CHCHD6: variants seen among roughly 807,000 people sequenced by gnomAD.
The protein encoded by CHCHD6 is coiled-coil-helix-coiled-coil-helix domain containing 6, also known as MICOS complex subunit MIC25.
CHCHD6 carries 28 observed loss-of-function variants against 32.3 expected under a neutral mutation model. The observed-to-expected ratio is 0.87, with a 90% CI of 0.64 to 1.19. The LOEUF (loss-of-function observed/expected upper bound fraction) is 1.19, where lower values mean the gene tolerates loss of function less well. Among genes scored for constraint, CHCHD6 ranks in the 50% most tolerant of loss-of-function variants. The pLI is 0.00. For synonymous variants in CHCHD6, 122 were observed against 117.5 expected (o/e 1.04, Z -0.25); for missense variants, 333 against 307.0 (o/e 1.08, Z -0.63).
Position 126,957,567 on chromosome 3 carries a change from C to T in CHCHD6, c.702+16C>T. On this transcript the variant is annotated intron_variant, in intron 7 of 7. Transcript: ENST00000290913. ...CGCCCACAAGGTAAGGCCTTGCCTG[C>T]CTCCCAGGTTTCCAAGGGCCTTGGG... is the stretch of plus-strand genomic sequence containing the variant. The T allele has an allele frequency of 1.3e-6, 2 of 1,555,724 alleles. No homozygotes were observed. The highest frequency in any genetic ancestry group is 1.2e-5 in the South Asian group (1 of 84,520).
At chr3:126,842,078 G>A (rs756569258) in intron 4 of CHCHD6, among the ~76,000 whole-genome samples, 1 of 152,050 alleles carries the variant, frequency 6.6e-6, no homozygotes, top group Admixed American at 6.6e-5. Context: ...ATGCGATCCC[G>A]TCTCTACCAA....
intron 4 of CHCHD6, among the ~76,000 whole-genome samples, chr3:126,775,676 G>A (rs1006075436): frequency 1.3e-5 from 2 of 152,206 alleles, no homozygotes; most frequent in South Asian, 2.1e-4. Context: ...AACTCTAGAG[G>A]TTAAGGAAAG....
intron 1 of CHCHD6, among the ~76,000 whole-genome samples, chr3:126,706,769 C>T (rs1934506832): frequency 6.6e-6 from 1 of 152,100 alleles, no homozygotes; most frequent in Admixed American, 6.5e-5. Context: ...TTGAGGAATT[C>T]ACCTTGTCTT....
chr3:126,730,301 TG>T (rs1337266423), intron 2 of CHCHD6, among the ~76,000 whole-genome samples: 2 of 152,186 alleles, frequency 1.3e-5, no homozygotes, highest in Non-Finnish European at 2.9e-5. Flanking sequence ...TTTGGAACAC[TG>T]CACCCAGTGT....
At chr3:126,733,367 G>C in intron 4 of CHCHD6, 145 bp downstream of exon 4, 1 of 736,596 alleles carries the variant, frequency 1.4e-6, no homozygotes, top group Non-Finnish European at 2.2e-6. Flanking sequence ...CTGTGGAAAA[G>C]GGTCTTTTGG....
chr3:126,909,317 C>T (rs1193243792), intron 5 of CHCHD6, among the ~76,000 whole-genome samples: 1 of 152,206 alleles, frequency 6.6e-6, no homozygotes, highest in African/African-American at 2.4e-5. Context: ...CTCTGGGCCC[C>T]ATGTCCTCCT....
chr3:126,717,532 G>A (rs1160155084), intron 1 of CHCHD6, among the ~76,000 whole-genome samples: 1 of 152,204 alleles, frequency 6.6e-6, no homozygotes, highest in Non-Finnish European at 1.5e-5. Flanking sequence ...TACTCAGGAG[G>A]CTGAGGCAGG....
At chr3:126,826,668 T>C (rs370628163) in intron 4 of CHCHD6, among the ~76,000 whole-genome samples, 1 of 152,158 alleles carries the variant, frequency 6.6e-6, no homozygotes, top group East Asian at 1.9e-4. Context: ...TTGTCACTTA[T>C]GTAGGATCTT....
At chr3:126,784,774 C>G (rs544292028) in intron 4 of CHCHD6, among the ~76,000 whole-genome samples, 7 of 152,326 alleles carry the variant, frequency 4.6e-5, no homozygotes, top group African/African-American at 1.7e-4. Context: ...TAGTGCCTGT[C>G]TCTTCACTCA....
At chr3:126,871,650 C>T (rs1427806144) in intron 5 of CHCHD6, among the ~76,000 whole-genome samples, 5 of 151,142 alleles carry the variant, frequency 3.3e-5, no homozygotes, top group African/African-American at 9.7e-5. Flanking sequence ...CTCTTCCCCC[C>T]GACCCCCCAA....
chr3:126,802,439 C>T (rs1016018422), intron 4 of CHCHD6, among the ~76,000 whole-genome samples: 1 of 151,962 alleles, frequency 6.6e-6, no homozygotes, highest in East Asian at 1.9e-4. Flanking sequence ...GGAGCTGATG[C>T]GATCAACTGG....
At chr3:126,719,343 T>C (rs1031446812) in intron 1 of CHCHD6, among the ~76,000 whole-genome samples, 4 of 152,238 alleles carry the variant, frequency 2.6e-5, no homozygotes, top group African/African-American at 9.6e-5. Flanking sequence ...TTAACAGGAA[T>C]GTCACGGCTA....
intron 6 of CHCHD6, among the ~76,000 whole-genome samples, chr3:126,931,726 C>G (rs1195712581): frequency 1.3e-5 from 2 of 152,154 alleles, no homozygotes; most frequent in Non-Finnish European, 2.9e-5. Flanking sequence ...CTTCTTAGTC[C>G]TCTGTTCCAA....
rs186961621 is a variant in CHCHD6, at chr3:126,871,006, G to A, written c.495+18276G>A. 1.8e-4 allele frequency among the ~76,000 whole-genome samples: 28 copies of A among 152,280 alleles called. 1 individual carries two copies. The South Asian group carries it at 5.4e-3, about 29-fold the overall frequency. On this transcript the variant is annotated intron_variant, in intron 5 of 7. Transcript: ENST00000290913. ...AGTCTCTTTAGTGAGTGAATTCTGC[G>A]CTGAGCTGTGATTCATCTGGGTCAG...
At chr3:126,774,878 T>A (rs1307522266) in intron 4 of CHCHD6, among the ~76,000 whole-genome samples, 1 of 152,230 alleles carries the variant, frequency 6.6e-6, no homozygotes, top group Non-Finnish European at 1.5e-5. Flanking sequence ...TAGAAAGAGC[T>A]GGCTTTTCTG....
rs189200323 is a variant in CHCHD6 at position 126,947,742 on chromosome 3, G to C, written c.567-9674G>C. ...TCAAATGAGGCCGAATTTTCTGCCC[G>C]TGCTGTTGACCATCAGCTCCCCTCC... On this transcript the variant is annotated intron_variant, in intron 6 of 7. Transcript: ENST00000290913. 9.3e-4 allele frequency among the ~76,000 whole-genome samples: 142 copies of C among 152,276 alleles called. 1 individual carries two copies. The East Asian group carries it at 0.02, about 22-fold the overall frequency.
chr3:126,844,918 G>A (rs1941241713), intron 4 of CHCHD6, among the ~76,000 whole-genome samples: 1 of 152,178 alleles, frequency 6.6e-6, no homozygotes, highest in Non-Finnish European at 1.5e-5. Flanking sequence ...CATGAGCCAA[G>A]GAATGGGGGT....
chr3:126,946,997 G>A (rs2078648512), intron 6 of CHCHD6, among the ~76,000 whole-genome samples: 1 of 152,210 alleles, frequency 6.6e-6, no homozygotes, highest in Non-Finnish European at 1.5e-5. Context: ...AAAGTGAAGA[G>A]AGCACACAGA....
chr3:126,775,795 G>C (rs1436792698), intron 4 of CHCHD6, among the ~76,000 whole-genome samples: 2 of 152,340 alleles, frequency 1.3e-5, no homozygotes, highest in East Asian at 3.9e-4. Context: ...AAAACTGCAG[G>C]CTCAAATCAG....
Sources: allele counts gnomAD v4.1 joint callset (sites outside exome capture counted in the v4.1 genomes callset), GRCh38; gene constraint gnomAD v4.1.1; transcripts MANE v1.5; gene names NCBI Gene and HGNC (gene_info 2026-07-23, HGNC 2026-07-21).